The following SLC27A3 variants were observed in gnomAD, a reference collection of about 807,000 sequenced individuals.
The protein encoded by SLC27A3 is long-chain fatty acid transport protein 3.
SLC27A3 carries 60 observed loss-of-function variants against 60.1 expected under a neutral mutation model. The observed-to-expected ratio is 1.00, with a 90% CI of 0.81 to 1.24. The LOEUF (loss-of-function observed/expected upper bound fraction) is 1.24, where lower values mean the gene tolerates loss of function less well. Ranked by LOEUF, SLC27A3 falls within the 50% of genes most tolerant of loss-of-function variation. The pLI, the probability that SLC27A3 is intolerant of heterozygous loss-of-function variation, is 0.00. For synonymous variants in SLC27A3, 455 were observed against 409.0 expected, an observed-to-expected ratio of 1.11 and a Z score of -1.36; for missense variants, 1,079 against 929.9, an observed-to-expected ratio of 1.16 and a Z score of -2.09.
chr1:153,775,424 G>A lies in SLC27A3; in HGVS notation c.-74G>A, dbSNP rs1317474919. On this transcript the variant is annotated 5_prime_UTR_variant, in exon 1 of 10. Transcript: ENST00000624995. Reference sequence around the variant, plus strand: ...TCTCAGCTAGAACGAGCGGCCCTAGGTTTTCGGAAGGGAGGATCAGGGATG... The same window carrying A: ...TCTCAGCTAGAACGAGCGGCCCTAGATTTTCGGAAGGGAGGATCAGGGATG... 4 of 1,611,734 alleles carry A rather than the reference G, an allele frequency of 2.5e-6. No individual in the cohort carries two copies. Among genetic ancestry groups the A allele is most frequent in the African/African-American group, 1.3e-5 (1 of 74,946 alleles).
intron 3 of SLC27A3, 122 bp downstream of exon 3, chr1:153,777,342 C>G: frequency 8.0e-7 from 1 of 1,244,200 alleles, no homozygotes; most frequent in Non-Finnish European, 1.1e-6. Context: ...CCCTACTCAC[C>G]AGGAGCTCTG....
At position 153,778,592 on chromosome 1, in the gene SLC27A3, C is replaced by T. The variant is rs1047115393; in HGVS notation, c.1447+39C>T. 1.2e-5 allele frequency: 19 copies of T among 1,609,718 alleles called. No homozygotes were observed. The East Asian group carries it at 3.1e-4, about 26-fold the overall frequency. ...TGGTGGGGTGGGCGGGGTGCTGAAGCTGGCACAGGAGGACTGGAATTGGAG... is the reference window on the plus strand; with the variant it reads ...TGGTGGGGTGGGCGGGGTGCTGAAGTTGGCACAGGAGGACTGGAATTGGAG... On this transcript the variant is annotated intron_variant, in intron 6 of 9. Coordinates refer to ENST00000624995, the MANE Select transcript of SLC27A3 (RefSeq NM_024330.4).
rs751663268 is a variant in SLC27A3, at chr1:153,777,629, G to A, written c.1037-132G>A. The A allele has an allele frequency of 3.5e-4, 408 of 1,175,646 alleles. 2 individuals are homozygous for A. Among genetic ancestry groups the A allele is most frequent in the East Asian group, 7.1e-5 (3 of 42,498 alleles). The allele number at this position is 1,175,646 out of a possible 1,614,324, so 72.8% of individuals were successfully genotyped here. A position where few individuals can be genotyped will look rare whatever the true frequency, so the allele number is the denominator to read the frequency against. On this transcript the variant is annotated intron_variant, in intron 3 of 9. Coordinates refer to ENST00000624995, the MANE Select transcript of SLC27A3 (RefSeq NM_024330.4). ...AAGAGGGCCAGCACGGCTTCCTGAC[G>A]GTGTGACTCCCACAGTGGGCCCTTC...
At position 153,780,090 on chromosome 1, in the gene SLC27A3, T is replaced by G; in HGVS notation, c.*88T>G. On this transcript the variant is annotated 3_prime_UTR_variant, in exon 10 of 10. Transcript: ENST00000624995. Reference sequence around the variant, plus strand: ...ACTGGGCTGTCAGGGATCTTTTCTATACCAGAACTGCGGTCACTATTTTGT... The same window carrying G: ...ACTGGGCTGTCAGGGATCTTTTCTAGACCAGAACTGCGGTCACTATTTTGT... 1 of 1,179,070 alleles carries G rather than the reference T, an allele frequency of 8.5e-7. No individual in the cohort carries two copies. The highest frequency in any genetic ancestry group is 1.2e-6 in the Non-Finnish European group (1 of 837,592). 73.0% of individuals were successfully genotyped at this position (1,179,070 alleles called of 1,614,324 possible).
At chr1:153,776,786 T>G in intron 2 of SLC27A3, 59 bp downstream of exon 2, 3 of 1,540,242 alleles carry the variant, frequency 1.9e-6, no homozygotes, top group Non-Finnish European at 1.8e-6. Flanking sequence ...GGCAGGGGTC[T>G]GCTCCCAGAC....
At chr1:153,776,844 C>T in intron 2 of SLC27A3, 117 bp downstream of exon 2, 1 of 1,041,438 alleles carries the variant, frequency 9.6e-7, no homozygotes, top group East Asian at 2.6e-5. Flanking sequence ...TTGGCACATC[C>T]TTTTTCTCCC....
At position 153,778,778 on chromosome 1, in the gene SLC27A3, A is replaced by G. The variant is rs371154776; in HGVS notation, c.1539A>G (p.Leu513=). Residue 513 remains leucine, a synonymous_variant, in exon 7 of 10, where the codon CTA becomes CTG. Transcript: ENST00000624995. ...CAGAGCTGGCCCAGGGGAAGTTGCTAAAGGATGTCTTCCGGCCTGGGGATG... is the reference window on the plus strand; with the variant it reads ...CAGAGCTGGCCCAGGGGAAGTTGCTGAAGGATGTCTTCCGGCCTGGGGATG... ...GGPELAQGKL[L]KDVFRPGDVF... The G allele has an allele frequency of 6.2e-6, 10 of 1,613,946 alleles. No homozygotes were observed. Among genetic ancestry groups the G allele is most frequent in the Non-Finnish European group, 8.5e-6 (10 of 1,179,994 alleles).
At chr1:153,776,276 C>A in intron 1 of SLC27A3, 112 bp downstream of exon 1, 1 of 1,421,312 alleles carries the variant, frequency 7.0e-7, no homozygotes, top group South Asian at 1.6e-5. Context: ...AGCCGACTAT[C>A]CCTTGGGGTT....
intron 1 of SLC27A3, 81 bp downstream of exon 1, chr1:153,776,245 T>G (rs1196094276): frequency 7.1e-7 from 1 of 1,412,266 alleles, no homozygotes; most frequent in African/African-American, 1.4e-5. Flanking sequence ...AGGCTTGGTC[T>G]CATCCCTGGG....
In SLC27A3 at chr1:153,776,045, T is replaced by C; in HGVS notation, c.548T>C (p.Leu183Pro). Residue 183 changes from leucine to proline, a missense_variant, in exon 1 of 10, where the codon CTC (leucine) becomes CCC (proline). By Grantham distance (98) the Leu-to-Pro change is moderately conservative (BLOSUM62 -3). Transcript: ENST00000624995. The part of the protein sequence containing the change: ...LLPAGPEFLW[L>P]WFGLAKAGLR... ...CCCGCTGGCCCAGAGTTTCTGTGGCTCTGGTTCGGGCTGGCCAAGGCCGGC... is the reference window on the plus strand; with the variant it reads ...CCCGCTGGCCCAGAGTTTCTGTGGCCCTGGTTCGGGCTGGCCAAGGCCGGC... 1 of 1,460,556 alleles carries C rather than the reference T, an allele frequency of 6.8e-7. No homozygotes were observed. The highest frequency in any genetic ancestry group is 9.0e-7 in the Non-Finnish European group (1 of 1,114,906). 90.5% of individuals were successfully genotyped at this position (1,460,556 alleles called of 1,614,324 possible).
intron 5 of SLC27A3, 33 bp from the exon 6 acceptor site, chr1:153,778,430 A>G: frequency 6.2e-7 from 1 of 1,612,388 alleles, no homozygotes; most frequent in Non-Finnish European, 8.5e-7. Context: ...ATGTGACTGC[A>G]ATGATCCAGT....
At chr1:153,776,872 G>C (rs1028607563) in intron 2 of SLC27A3, 145 bp downstream of exon 2, 1 of 929,806 alleles carries the variant, frequency 1.1e-6, no homozygotes, top group Non-Finnish European at 1.6e-6. Context: ...TCACTCCCCA[G>C]TCTCCTCACC....
Position 153,776,061 on chromosome 1 carries a change from C to G in SLC27A3, c.564C>G (p.Ala188=). 1 of 1,469,110 alleles carries G rather than the reference C, an allele frequency of 6.8e-7. No individual in the cohort carries two copies. Among genetic ancestry groups the G allele is most frequent in the Non-Finnish European group, 8.9e-7 (1 of 1,120,690 alleles). 91.0% of individuals were successfully genotyped at this position (1,469,110 alleles called of 1,614,324 possible). The change falls in exon 1 of 10, where the codon GCC becomes GCG. Residue 188 remains alanine, a synonymous_variant. Transcript: ENST00000624995. ...PEFLWLWFGL[A]KAGLRTAFVP... is the part of the protein sequence containing the mutation. Reference sequence around the variant, plus strand: ...TTCTGTGGCTCTGGTTCGGGCTGGCCAAGGCCGGCCTGCGCACTGCCTTTG... The same window carrying G: ...TTCTGTGGCTCTGGTTCGGGCTGGCGAAGGCCGGCCTGCGCACTGCCTTTG...
At position 153,780,030 on chromosome 1, in the gene SLC27A3, G is replaced by A. The variant is rs1673461245; in HGVS notation, c.*28G>A. 1 of 1,590,868 alleles carries A rather than the reference G, an allele frequency of 6.3e-7. No individual in the cohort carries two copies. The highest frequency in any genetic ancestry group is 1.3e-5 in the African/African-American group (1 of 74,268). Reference sequence around the variant, plus strand: ...ACTTCCACACCTGAGGCACCTGAGAGAGGAACTCTGTGGGGTGGGGGCCGT... The same window carrying A: ...ACTTCCACACCTGAGGCACCTGAGAAAGGAACTCTGTGGGGTGGGGGCCGT... On this transcript the variant is annotated 3_prime_UTR_variant, in exon 10 of 10. Coordinates refer to ENST00000624995, the MANE Select transcript of SLC27A3 (RefSeq NM_024330.4).
At chr1:153,779,718 T>C in intron 9 of SLC27A3, 108 bp from the exon 10 acceptor site, 1 of 1,148,850 alleles carries the variant, frequency 8.7e-7, no homozygotes, top group Non-Finnish European at 1.2e-6. Context: ...AACCTTGACC[T>C]CACACTCCCT....
chr1:153,777,105 A>G lies in SLC27A3; in HGVS notation c.921A>G (p.Gln307=), dbSNP rs746992254. The G allele has an allele frequency of 1.4e-5, 23 of 1,614,100 alleles. No individual in the cohort carries two copies. Among genetic ancestry groups the G allele is most frequent in the Admixed American group, 1.3e-4 (8 of 60,000 alleles). The part of the protein sequence containing the change: ...AARISHLKIL[Q]CQGFYQLCGV... ...GGATCAGTCATCTGAAGATCCTGCAATGCCAGGGCTTCTATCAGCTGTGTG... is the reference window on the plus strand; with the variant it reads ...GGATCAGTCATCTGAAGATCCTGCAGTGCCAGGGCTTCTATCAGCTGTGTG... Residue 307 remains glutamine (Q), a synonymous_variant, in exon 3 of 10, where the codon CAA becomes CAG. Coordinates refer to ENST00000624995, the MANE Select transcript of SLC27A3 (RefSeq NM_024330.4).
In SLC27A3 at chr1:153,778,312, C is replaced by T. The variant is rs141186570; in HGVS notation, c.1313C>T (p.Thr438Ile). Residue 438 changes from threonine (T) to isoleucine (I), a missense_variant, in exon 5 of 10, where the codon ACA (threonine) becomes ATA (isoleucine). Coordinates refer to ENST00000624995, the MANE Select transcript of SLC27A3 (RefSeq NM_024330.4). ...TEGNVATINY[T>I]GQRGAVGRAS... is the part of the protein sequence containing the mutation. Reference sequence around the variant, plus strand: ...GGCAACGTGGCCACCATCAACTACACAGGACAGCGGGGCGCTGTGGGGCGT... The same window carrying T: ...GGCAACGTGGCCACCATCAACTACATAGGACAGCGGGGCGCTGTGGGGCGT... The T allele has an allele frequency of 6.2e-6, 10 of 1,614,078 alleles. No individual in the cohort carries two copies. In the African/African-American group the frequency reaches 1.3e-4, roughly 22 times the overall value.
chr1:153,777,714 T>G lies in SLC27A3; in HGVS notation c.1037-47T>G, dbSNP rs78068650. The G allele has an allele frequency of 3.1e-6, 5 of 1,607,304 alleles. No homozygotes were observed. The African/African-American group carries it at 6.8e-5, about 22-fold the overall frequency. ...AAAGAGGGGCTTGGGCTCCCCACTCTGCTCCTAATCTTACCTCCCTTCTTC... is the reference window on the plus strand; with the variant it reads ...AAAGAGGGGCTTGGGCTCCCCACTCGGCTCCTAATCTTACCTCCCTTCTTC... On this transcript the variant is annotated intron_variant, in intron 3 of 9. Transcript: ENST00000624995.
At position 153,777,030 on chromosome 1, in the gene SLC27A3, C is replaced by A. The variant is rs751644106; in HGVS notation, c.878-32C>A. On this transcript the variant is annotated intron_variant, in intron 2 of 9. Coordinates refer to ENST00000624995, the MANE Select transcript of SLC27A3 (RefSeq NM_024330.4). ...TAGGTAGAGCTTGGAGTTTGCCCTT[C>A]CCCTGATCGTCCCATAACTGCCACC... 88 of 1,611,870 alleles carry A rather than the reference C, an allele frequency of 5.5e-5. 1 individual carries two copies. The Middle Eastern group carries it at 8.3e-4, about 15-fold the overall frequency.
Sources: allele counts gnomAD v4.1 joint callset, GRCh38; gene constraint gnomAD v4.1.1; transcripts MANE v1.5; gene names NCBI Gene and HGNC (gene_info 2026-07-23, HGNC 2026-07-21).